FER1L5: variants seen among roughly 807,000 people sequenced by gnomAD.
FER1L5 encodes fer-1 like family member 5.
In FER1L5, 187 loss-of-function variants were observed where a neutral mutation model predicts 279.9. The observed-to-expected ratio is 0.67, with a 90% CI of 0.59 to 0.75. FER1L5 has a LOEUF of 0.75. Among genes scored for constraint, FER1L5 ranks in the 30% least tolerant of loss-of-function variants. FER1L5 has a pLI of 0.00. For missense variants in FER1L5, 2,091 were observed against 2,594.4 expected, an observed-to-expected ratio of 0.81 and a Z score of 4.21; for synonymous variants, 921 against 989.7, an observed-to-expected ratio of 0.93 and a Z score of 1.30.
intron 9 of FER1L5, among the ~76,000 whole-genome samples, chr2:96,655,823 C>T (rs767320702): frequency 1.1e-4 from 16 of 152,120 alleles, no homozygotes; most frequent in Non-Finnish European, 1.9e-4. Flanking sequence ...AATCCTCCCA[C>T]CTCAGCCTCC....
intron 14 of FER1L5, among the ~76,000 whole-genome samples, chr2:96,664,979 A>G (rs2076078462): frequency 6.6e-6 from 1 of 152,160 alleles, no homozygotes; most frequent in Non-Finnish European, 1.5e-5. Context: ...CCTGCACTAA[A>G]TGGCTCTGAG....
rs957777038 is a variant in FER1L5, at chr2:96,694,523, G to A, written c.3741+59G>A. The stretch of plus-strand genomic sequence containing the variant: ...GACAGGCGGGGGTGGTCTGGAGTGC[G>A]CTGCAGCCTTCTGCTGGTCCTCCCT... On this transcript the variant is annotated intron_variant, in intron 34 of 52. Transcript: ENST00000624922. The surrounding 1 kb of genome is among the most constrained non-coding windows in gnomAD (Gnocchi z 4.6). 5.0e-5 allele frequency: 67 copies of A among 1,332,758 alleles called. No individual in the cohort carries two copies. Among genetic ancestry groups the A allele is most frequent in the Non-Finnish European group, 6.0e-5 (59 of 990,860 alleles). The allele number at this position is 1,332,758 out of a possible 1,614,324, so 82.6% of individuals were successfully genotyped here.
chr2:96,697,415 G>C, intron 37 of FER1L5, 111 bp from the exon 38 acceptor site: 1 of 1,201,020 alleles, frequency 8.3e-7, no homozygotes. Flanking sequence ...CTATGTGAAA[G>C]GCAAGGGCAA....
chr2:96,668,717 T>G, intron 14 of FER1L5, 34 bp from the exon 15 acceptor site: 1 of 1,551,184 alleles, frequency 6.4e-7, no homozygotes, highest in Non-Finnish European at 8.7e-7. Context: ...CATCCCAATG[T>G]GTACCCACCG....
At chr2:96,646,556 C>T (rs2075139195) in intron 2 of FER1L5, 103 bp downstream of exon 2, 8 of 1,181,616 alleles carry the variant, frequency 6.8e-6, no homozygotes. Flanking sequence ...AGAGGACGTG[C>T]AACCTCACAG....
intron 19 of FER1L5, among the ~76,000 whole-genome samples, chr2:96,684,049 C>T: frequency 6.6e-6 from 1 of 152,198 alleles, no homozygotes; most frequent in East Asian, 1.9e-4. Flanking sequence ...TATGCCACCT[C>T]AGGGAAACTG....
chr2:96,687,766 G>A, intron 23 of FER1L5, 50 bp from the exon 24 acceptor site: 1 of 1,543,822 alleles, frequency 6.5e-7, no homozygotes, highest in Non-Finnish European at 8.8e-7. Flanking sequence ...GGCCGGGGTG[G>A]CGTTCAGGGT....
At position 96,669,033 on chromosome 2, in the gene FER1L5, C is replaced by G. The variant is rs1322467249; in HGVS notation, c.1268-10C>G. On this transcript the variant is annotated splice_polypyrimidine_tract_variant and intron_variant, in intron 16 of 52. Coordinates refer to ENST00000624922, the MANE Select transcript of FER1L5 (RefSeq NM_001293083.2). ...CTGCGCCCGACCCTTCTCACTCTCTCTCCTTCCAGGAGTGTACTCCGGCTT... is the reference window on the plus strand; with the variant it reads ...CTGCGCCCGACCCTTCTCACTCTCTGTCCTTCCAGGAGTGTACTCCGGCTT... 6.4e-7 allele frequency: 1 copy of G among 1,551,726 alleles called. No homozygotes were observed. The highest frequency in any genetic ancestry group is 1.2e-5 in the South Asian group (1 of 84,058).
Position 96,704,448 on chromosome 2 carries a change from C to G in FER1L5, c.5950-20C>G. On this transcript the variant is annotated intron_variant, in intron 52 of 52. Transcript: ENST00000624922. ...TCTTCAGCTTGCCACCCCAGGCTAA[C>G]TGTTGTCTGTTCTCTCTAGCACTAT... The G allele has an allele frequency of 6.2e-7, 1 of 1,613,536 alleles. No individual in the cohort carries two copies. The highest frequency in any genetic ancestry group is 8.5e-7 in the Non-Finnish European group (1 of 1,179,466).
At chr2:96,687,728 A>C in intron 23 of FER1L5, 88 bp from the exon 24 acceptor site, 1 of 1,510,244 alleles carries the variant, frequency 6.6e-7, no homozygotes, top group Non-Finnish European at 8.9e-7. Context: ...TCAGGGGGGA[A>C]GGGGCAGGTA....
At chr2:96,663,272 C>T (rs1176423487) in intron 13 of FER1L5, among the ~76,000 whole-genome samples, 167 bp from the exon 14 acceptor site, 1 of 152,158 alleles carries the variant, frequency 6.6e-6, no homozygotes, top group Non-Finnish European at 1.5e-5. Flanking sequence ...AAAGGACTGG[C>T]GCTGTTGCTG....
chr2:96,698,442 C>T lies in FER1L5; in HGVS notation c.4357-229C>T, dbSNP rs537813761. On this transcript the variant is annotated intron_variant, in intron 40 of 52. Transcript: ENST00000624922. This position sits in a 1 kb window ranked among gnomAD's most constrained non-coding sequence, Gnocchi z 5.5. ...TGGAATGAGTCCACAGCGGCACAGA[C>T]GGGGAACTCACCTACTGACTGCGGT... is the stretch of plus-strand genomic sequence containing the variant. Among the ~76,000 whole-genome samples, 25 of 152,250 alleles carry T rather than the reference C, an allele frequency of 1.6e-4. No homozygotes were observed. In the South Asian group the frequency reaches 2.1e-3, roughly 13 times the overall value.
chr2:96,686,190 G>T lies in FER1L5; in HGVS notation c.2074-5G>T, dbSNP rs1263378254. 1.3e-6 allele frequency: 2 copies of T among 1,549,726 alleles called. No individual in the cohort carries two copies. Among genetic ancestry groups the T allele is most frequent in the Non-Finnish European group, 1.7e-6 (2 of 1,145,670 alleles). ...GCAGGGCCTGACATTCTCCCACCTC[G>T]GCAGCCCCAGATGGGCCTCCCTGAC... On this transcript the variant is annotated splice_region_variant and splice_polypyrimidine_tract_variant and intron_variant, in intron 22 of 52. Transcript: ENST00000624922.
At chr2:96,693,446 G>A (rs2077234926) in intron 31 of FER1L5, 60 bp from the exon 32 acceptor site, 4 of 1,472,888 alleles carry the variant, frequency 2.7e-6, no homozygotes, top group East Asian at 2.5e-5. Context: ...CAGCAGCAGA[G>A]GAGAGGAAAG....
chr2:96,690,640 A>G, intron 27 of FER1L5, 51 bp downstream of exon 27: 4 of 1,489,182 alleles, frequency 2.7e-6, no homozygotes, highest in Non-Finnish European at 3.7e-6. Flanking sequence ...GCCTCAAAAT[A>G]ACGGCAGCCA....
Position 96,642,774 on chromosome 2 carries a change from GGA to G in FER1L5, c.-61_-60del. The G allele has an allele frequency of 6.7e-7, 1 of 1,501,240 alleles. No individual in the cohort carries two copies. The highest frequency in any genetic ancestry group is 9.0e-7 in the Non-Finnish European group (1 of 1,109,346). The allele number at this position is 1,501,240 out of a possible 1,614,324, so 93.0% of individuals were successfully genotyped here. On this transcript the variant is annotated 5_prime_UTR_variant, in exon 1 of 53. Coordinates refer to ENST00000624922, the MANE Select transcript of FER1L5 (RefSeq NM_001293083.2). ...ATCGCTGGGAAAAGTCTTGGACTGAGGAGCTCCAAAAAGGAAGCTGTGGCGCT... is the reference window on the plus strand; with the variant it reads ...ATCGCTGGGAAAAGTCTTGGACTGAGGCTCCAAAAAGGAAGCTGTGGCGCT...
intron 19 of FER1L5, among the ~76,000 whole-genome samples, chr2:96,678,631 C>T (rs554092529): frequency 5.9e-5 from 9 of 151,912 alleles, no homozygotes; most frequent in African/African-American, 2.2e-4. Flanking sequence ...CGGAGTTTCT[C>T]CATTTTGTCC....
At position 96,694,287 on chromosome 2, in the gene FER1L5, G is replaced by C. The variant is rs2077276281; in HGVS notation, c.3637-73G>C. 7.1e-7 allele frequency: 1 copy of C among 1,417,562 alleles called. No individual in the cohort carries two copies. The highest frequency in any genetic ancestry group is 9.4e-7 in the Non-Finnish European group (1 of 1,060,578). The allele number at this position is 1,417,562 out of a possible 1,614,324, so 87.8% of individuals were successfully genotyped here. A position where few individuals can be genotyped will look rare whatever the true frequency, so the allele number is the denominator to read the frequency against. On this transcript the variant is annotated intron_variant, in intron 33 of 52. Coordinates refer to ENST00000624922, the MANE Select transcript of FER1L5 (RefSeq NM_001293083.2). The surrounding 1 kb of genome is among the most constrained non-coding windows in gnomAD (Gnocchi z 4.6). ...GCTCTGGGCTCGGTGAGGCCTCTGA[G>C]GGACCTGCTTGAGGTGAGGGTGAGG... is the stretch of plus-strand genomic sequence containing the variant.
chr2:96,657,041 G>T (rs1056214131), intron 9 of FER1L5, among the ~76,000 whole-genome samples: 14 of 148,704 alleles, frequency 9.4e-5, no homozygotes, highest in Non-Finnish European at 2.1e-4. Context: ...TTTCTATTCT[G>T]TTTTTTTATT....
Sources: allele counts gnomAD v4.1 joint callset (sites outside exome capture counted in the v4.1 genomes callset), GRCh38; gene constraint gnomAD v4.1.1; non-coding constraint Gnocchi (gnomAD v3.1); transcripts MANE v1.5; gene names NCBI Gene and HGNC (gene_info 2026-07-23, HGNC 2026-07-21).